Variants in GRIN2A observed in about 807,000 individuals in gnomAD.
The protein encoded by GRIN2A is glutamate receptor ionotropic, NMDA 2A.
GRIN2A carries 22 observed loss-of-function variants against 113.4 expected under a neutral mutation model. The observed-to-expected ratio is 0.19, with a 90% CI of 0.14 to 0.28. The LOEUF (loss-of-function observed/expected upper bound fraction) is 0.28, where lower values mean the gene tolerates loss of function less well. Ranked by LOEUF, GRIN2A falls within the 10% of genes least tolerant of loss-of-function variation. The pLI is 1.00. For missense variants in GRIN2A, 1,502 were observed against 1,887.0 expected, an observed-to-expected ratio of 0.80 and a Z score of 3.78; for synonymous variants, 827 against 738.4, an observed-to-expected ratio of 1.12 and a Z score of -1.94.
intron 2 of GRIN2A, among the ~76,000 whole-genome samples, chr16:9,991,567 C>T (rs370578311): frequency 1.2e-3 from 179 of 152,242 alleles, no homozygotes; most frequent in Non-Finnish European, 1.9e-3. Context: ...CCCTCACCTT[C>T]GAGTCTCCAG....
At chr16:10,115,692 T>C (rs1283434065) in intron 2 of GRIN2A, among the ~76,000 whole-genome samples, 1 of 152,232 alleles carries the variant, frequency 6.6e-6, no homozygotes, top group African/African-American at 2.4e-5. Flanking sequence ...AACTGTATTC[T>C]CAAGCTGAAA....
intron 2 of GRIN2A, 105 bp downstream of exon 2, chr16:10,179,893 C>CCCCAAAAAAAAAAAAAA: frequency 2.8e-6 from 2 of 719,816 alleles, no homozygotes; most frequent in Admixed American, 2.2e-5. Context: ...CCCCCACCCC[C>CCCCAAAAAAAAAAAAAA]ACTTCACATC....
At chr16:9,826,631 T>C (rs1567326993) in intron 9 of GRIN2A, among the ~76,000 whole-genome samples, 1 of 152,228 alleles carries the variant, frequency 6.6e-6, no homozygotes, top group African/African-American at 2.4e-5. Flanking sequence ...GTATCTTCTA[T>C]TAATCTTCTG....
At chr16:9,870,479 T>C (rs1201455721) in intron 4 of GRIN2A, among the ~76,000 whole-genome samples, 1 of 152,210 alleles carries the variant, frequency 6.6e-6, no homozygotes, top group African/African-American at 2.4e-5. Flanking sequence ...ACAAAAGTCC[T>C]AGAGTTAATA....
At chr16:9,816,094 C>A (rs1217221581) in intron 10 of GRIN2A, among the ~76,000 whole-genome samples, 1 of 152,090 alleles carries the variant, frequency 6.6e-6, no homozygotes, top group Non-Finnish European at 1.5e-5. Context: ...TGGTGGTTGC[C>A]AGGCGCTAGG....
chr16:10,052,206 A>G (rs2047371020), intron 2 of GRIN2A, among the ~76,000 whole-genome samples: 1 of 152,184 alleles, frequency 6.6e-6, no homozygotes, highest in African/African-American at 2.4e-5. Context: ...ATGTATTCTC[A>G]TGATAATTCA....
intron 2 of GRIN2A, among the ~76,000 whole-genome samples, chr16:10,089,476 G>T (rs1450762655): frequency 2.0e-5 from 3 of 152,118 alleles, no homozygotes; most frequent in African/African-American, 7.2e-5. Context: ...GCATATGGTG[G>T]GTTCCAGGAG....
At chr16:9,957,628 C>A (rs1483209715) in intron 2 of GRIN2A, among the ~76,000 whole-genome samples, 1 of 152,108 alleles carries the variant, frequency 6.6e-6, no homozygotes, top group Non-Finnish European at 1.5e-5. Context: ...AGGGAGATTA[C>A]CCAAATGATG....
At chr16:10,059,297 C>A (rs939784202) in intron 2 of GRIN2A, among the ~76,000 whole-genome samples, 6 of 150,580 alleles carry the variant, frequency 4.0e-5, no homozygotes, top group African/African-American at 1.0e-4. Flanking sequence ...TAAAAGATTT[C>A]TTTGGACACT....
At chr16:9,861,125 T>C (rs554330012) in intron 4 of GRIN2A, among the ~76,000 whole-genome samples, 3 of 152,244 alleles carry the variant, frequency 2.0e-5, no homozygotes, top group African/African-American at 7.2e-5. Context: ...CCCAGTTAGC[T>C]CATTGGGTGG....
At chr16:9,866,103 C>T (rs1223317894) in intron 4 of GRIN2A, among the ~76,000 whole-genome samples, 2 of 152,188 alleles carry the variant, frequency 1.3e-5, no homozygotes, top group African/African-American at 2.4e-5. Context: ...TGCTCTAAGT[C>T]CTTATCTGTA....
intron 3 of GRIN2A, among the ~76,000 whole-genome samples, chr16:9,926,149 T>A (rs571045878): frequency 2.6e-5 from 4 of 152,164 alleles, no homozygotes; most frequent in Non-Finnish European, 5.9e-5. Flanking sequence ...ATTCAGGAAG[T>A]TTTTGCCTTT....
At position 9,834,116 on chromosome 16, in the gene GRIN2A, G is replaced by C. The variant is rs1332704840; in HGVS notation, c.1766C>G (p.Ala589Gly). 1 of 1,613,512 alleles carries C rather than the reference G, an allele frequency of 6.2e-7. No individual in the cohort carries two copies. The highest frequency in any genetic ancestry group is 8.5e-7 in the Non-Finnish European group (1 of 1,179,464). The stretch of plus-strand genomic sequence containing the variant: ...GAAGGTACCCTTACCTTTCCCTTTG[G>C]CTAAGTTTCTGTTGTATCCAACAGG... ...FSPVGYNRNL[A>G]KGKAPHGPSF... Residue 589 changes from alanine to glycine, a missense_variant, in exon 8 of 13, where the codon GCC becomes GGC. Ala to Gly is a moderately conservative substitution (Grantham distance 60, BLOSUM62 0). This residue lies in a region of GRIN2A where 82 missense variants were observed against 222.7 expected (regional missense o/e 0.37). Coordinates refer to ENST00000330684, the MANE Select transcript of GRIN2A (RefSeq NM_001134407.3).
At chr16:10,060,040 A>G (rs138730192) in intron 2 of GRIN2A, among the ~76,000 whole-genome samples, 11 of 152,330 alleles carry the variant, frequency 7.2e-5, no homozygotes, top group African/African-American at 2.6e-4. Context: ...ATCCCACAGC[A>G]GGGACCACCT....
At chr16:9,852,850 C>A (rs2042908936) in intron 4 of GRIN2A, among the ~76,000 whole-genome samples, 1 of 152,324 alleles carries the variant, frequency 6.6e-6, no homozygotes, top group South Asian at 2.1e-4. Context: ...CAGAGTCATT[C>A]ATTCCATAAA....
At chr16:10,131,568 C>A (rs1191853352) in intron 2 of GRIN2A, among the ~76,000 whole-genome samples, 1 of 151,900 alleles carries the variant, frequency 6.6e-6, no homozygotes, top group African/African-American at 2.4e-5. Flanking sequence ...AGAGAGGCTT[C>A]AAATGCATTG....
chr16:10,079,485 A>G (rs570297717), intron 2 of GRIN2A, among the ~76,000 whole-genome samples: 1 of 152,260 alleles, frequency 6.6e-6, no homozygotes, highest in South Asian at 2.1e-4. Flanking sequence ...CCTAATCCTC[A>G]ATGTGATGGT....
At chr16:9,835,454 G>T (rs1483375315) in intron 7 of GRIN2A, among the ~76,000 whole-genome samples, 3 of 152,038 alleles carry the variant, frequency 2.0e-5, no homozygotes, top group African/African-American at 7.2e-5. Flanking sequence ...CTTGATTGAG[G>T]ATATGAAAAT....
At chr16:10,137,569 G>A (rs1400418055) in intron 2 of GRIN2A, among the ~76,000 whole-genome samples, 3 of 152,136 alleles carry the variant, frequency 2.0e-5, no homozygotes, top group East Asian at 1.9e-4. Context: ...TCAGGCACTC[G>A]ATTATTCCCG....
Sources: allele counts gnomAD v4.1 joint callset (sites outside exome capture counted in the v4.1 genomes callset), GRCh38; gene constraint gnomAD v4.1.1; regional missense constraint gnomAD v4.1.1; transcripts MANE v1.5; gene names NCBI Gene and HGNC (gene_info 2026-07-23, HGNC 2026-07-21).